VPS39: variants seen among roughly 807,000 people sequenced by gnomAD.
The protein encoded by VPS39 is vam6/Vps39-like protein.
Under a neutral mutation model 121.0 loss-of-function variants are expected in VPS39, and 70 were observed. The ratio of observed to expected loss-of-function variants is 0.58; its 90% CI spans 0.48 to 0.71. The LOEUF (loss-of-function observed/expected upper bound fraction) is 0.71. Among genes scored for constraint, VPS39 ranks in the 30% least tolerant of loss-of-function variants. The pLI is 0.00. For synonymous variants in VPS39, 378 were observed against 398.1 expected (o/e 0.95, Z 0.60); for missense variants, 818 against 1,051.5 (o/e 0.78, Z 3.07).
At chr15:42,191,297 G>A in intron 3 of VPS39, 130 bp from the exon 4 acceptor site, 1 of 1,220,038 alleles carries the variant, frequency 8.2e-7, no homozygotes, top group South Asian at 1.4e-5. Context: ...GATTTTTCTG[G>A]GCACTATAAT....
intron 7 of VPS39, among the ~76,000 whole-genome samples, chr15:42,186,745 G>C (rs542912774): frequency 6.6e-6 from 1 of 152,250 alleles, no homozygotes; most frequent in Admixed American, 6.5e-5. Context: ...TCTGAGTGGG[G>C]GGACTATGGT....
Position 42,166,599 on chromosome 15 carries a change from C to T in VPS39, c.1570G>A (p.Gly524Ser). Reference protein sequence around the residue: ...QSKKANSPLKGHERTVQYLQH... With the variant: ...QSKKANSPLKSHERTVQYLQH... The stretch of plus-strand genomic sequence containing the variant: ...AGATACTGCACTGTCCTCTCGTGGC[C>T]TTTCAGAGGGGAGTTGGCTTTCTTG... The change falls in exon 15 of 25, where the codon GGC (glycine) becomes AGC (serine). Residue 524 changes from glycine (G) to serine (S), a missense_variant. Transcript: ENST00000318006. The T allele has an allele frequency of 1.2e-6, 2 of 1,614,230 alleles. No homozygotes were observed. Among genetic ancestry groups the T allele is most frequent in the Non-Finnish European group, 1.7e-6 (2 of 1,180,036 alleles).
intron 8 of VPS39, among the ~76,000 whole-genome samples, chr15:42,179,281 G>A (rs1932337636): frequency 6.6e-6 from 1 of 151,994 alleles, no homozygotes; most frequent in South Asian, 2.1e-4. Flanking sequence ...GTGGCGGGAG[G>A]GGGAAAGGCC....
intron 19 of VPS39, 76 bp from the exon 20 acceptor site, chr15:42,163,804 G>T: frequency 3.0e-6 from 3 of 994,160 alleles, no homozygotes; most frequent in South Asian, 1.6e-5. Context: ...TGTCAGAGGA[G>T]TGGACACGAG....
chr15:42,188,624 C>A (rs896933152), intron 5 of VPS39, among the ~76,000 whole-genome samples: 1 of 152,094 alleles, frequency 6.6e-6, no homozygotes, highest in African/African-American at 2.4e-5. Context: ...GGAATGCAAA[C>A]GCTTCAACTT....
chr15:42,164,315 G>T, intron 19 of VPS39, 43 bp downstream of exon 19: 1 of 1,611,600 alleles, frequency 6.2e-7, no homozygotes, highest in East Asian at 2.2e-5. Flanking sequence ...GTCTTTGCAT[G>T]ACCTTCGCTG....
chr15:42,184,841 TA>T, intron 7 of VPS39, 141 bp from the exon 8 acceptor site: 1 of 835,344 alleles, frequency 1.2e-6, no homozygotes, highest in Non-Finnish European at 1.8e-6. Flanking sequence ...GAGTTTATTA[TA>T]ATAACCGTTG....
chr15:42,178,152 T>A, intron 10 of VPS39, 66 bp downstream of exon 10: 3 of 1,603,904 alleles, frequency 1.9e-6, no homozygotes, highest in Non-Finnish European at 2.6e-6. Flanking sequence ...AATATGAACA[T>A]TGAAACCCAA....
intron 4 of VPS39, among the ~76,000 whole-genome samples, chr15:42,190,524 C>T (rs563423834): frequency 6.6e-6 from 1 of 152,298 alleles, no homozygotes; most frequent in African/African-American, 2.4e-5. Flanking sequence ...CAGTGTAGCC[C>T]TGCTCTGTCT....
At chr15:42,200,058 C>T (rs2050035762) in intron 1 of VPS39, 97 bp from the exon 2 acceptor site, 3 of 1,181,758 alleles carry the variant, frequency 2.5e-6, no homozygotes, top group East Asian at 2.8e-5. Flanking sequence ...TTAGCTGGGG[C>T]TTGTAATCAG....
chr15:42,194,911 C>T lies in VPS39; in HGVS notation c.140-3351G>A, dbSNP rs150921062. On this transcript the variant is annotated intron_variant, in intron 2 of 24. Coordinates refer to ENST00000318006, the MANE Select transcript of VPS39 (RefSeq NM_015289.5). ...AGTTTTAATTACCATTCCTTTTGCA[C>T]CATCATTGTAAATGTCAATACAGTG... Among the ~76,000 whole-genome samples the T allele has an allele frequency of 2.1e-4, 32 of 150,678 alleles. No homozygotes were observed. In the East Asian group the frequency reaches 6.2e-3, roughly 29 times the overall value.
In VPS39 at chr15:42,162,402, T is replaced by G. The variant is rs984732300; in HGVS notation, c.2255A>C (p.Glu752Ala). ...CLGPIKLELL[E>A]PKANLQAALQ... ...AGCGGCCTGGAGGTTGGCTTTTGGCTCCAGTAGTTCCAGCTTGATTGGCCC... is the reference window on the plus strand; with the variant it reads ...AGCGGCCTGGAGGTTGGCTTTTGGCGCCAGTAGTTCCAGCTTGATTGGCCC... The change falls in exon 22 of 25, where the codon GAG becomes GCG. Residue 752 changes from glutamate to alanine, a missense_variant. Glu to Ala is a moderately radical substitution (Grantham distance 107, BLOSUM62 -1). Coordinates refer to ENST00000318006, the MANE Select transcript of VPS39 (RefSeq NM_015289.5). The G allele has an allele frequency of 6.2e-7, 1 of 1,613,680 alleles. No homozygotes were observed. The highest frequency in any genetic ancestry group is 1.3e-5 in the African/African-American group (1 of 74,876).
At chr15:42,198,986 C>T (rs2050005120) in intron 2 of VPS39, among the ~76,000 whole-genome samples, 1 of 152,130 alleles carries the variant, frequency 6.6e-6, no homozygotes, top group South Asian at 2.1e-4. Flanking sequence ...TTCTCTTTCC[C>T]GAGTGCACTA....
chr15:42,160,996 A>G, intron 24 of VPS39, 167 bp from the exon 25 acceptor site: 1 of 641,518 alleles, frequency 1.6e-6, no homozygotes. Context: ...TTCTGTAGCC[A>G]TCATCTCTGT....
chr15:42,196,707 C>T (rs1242116265), intron 2 of VPS39, among the ~76,000 whole-genome samples: 27 of 152,282 alleles, frequency 1.8e-4, no homozygotes, highest in Middle Eastern at 3.4e-3. Flanking sequence ...GAAACAGGAA[C>T]GCTTTTACAC....
At chr15:42,171,228 C>T (rs1280374620) in intron 11 of VPS39, among the ~76,000 whole-genome samples, 5 of 152,180 alleles carry the variant, frequency 3.3e-5, no homozygotes, top group South Asian at 4.1e-4. Flanking sequence ...TTATCAAACT[C>T]CCTAGCAGTC....
intron 8 of VPS39, among the ~76,000 whole-genome samples, chr15:42,181,493 C>A (rs1196783011): frequency 6.6e-6 from 1 of 151,996 alleles, no homozygotes; most frequent in East Asian, 1.9e-4. Context: ...TGTTAACATA[C>A]GTAATACCAC....
chr15:42,161,113 A>G, intron 24 of VPS39: 1 of 404,508 alleles, frequency 2.5e-6, no homozygotes, highest in Non-Finnish European at 4.5e-6. Context: ...CACCAGCCCA[A>G]AGCTCAGCCC....
At chr15:42,195,480 A>G (rs1350899632) in intron 2 of VPS39, among the ~76,000 whole-genome samples, 1 of 152,184 alleles carries the variant, frequency 6.6e-6, no homozygotes, top group Non-Finnish European at 1.5e-5. Context: ...AAGTCTCAGG[A>G]TACAAAATCA....
Sources: allele counts gnomAD v4.1 joint callset (sites outside exome capture counted in the v4.1 genomes callset), GRCh38; gene constraint gnomAD v4.1.1; transcripts MANE v1.5; gene names NCBI Gene and HGNC (gene_info 2026-07-23, HGNC 2026-07-21).